The following SRGAP3 variants were observed in gnomAD, a reference collection of about 807,000 sequenced individuals.
SRGAP3 encodes the protein SLIT-ROBO Rho GTPase-activating protein 3.
Under a neutral mutation model 121.1 loss-of-function variants are expected in SRGAP3, and 39 were observed. That is an observed-to-expected ratio of 0.32 (90% CI 0.25 to 0.42). SRGAP3 has a LOEUF of 0.42. Among genes scored for constraint, SRGAP3 ranks in the 10% least tolerant of loss-of-function variants. SRGAP3 has a pLI of 1.00. For missense variants in SRGAP3, 1,213 were observed against 1,470.6 expected, an observed-to-expected ratio of 0.82 and a Z score of 2.86; for synonymous variants, 601 against 570.0, an observed-to-expected ratio of 1.05 and a Z score of -0.77.
chr3:9,192,026 G>A (rs185614554), intron 1 of SRGAP3, among the ~76,000 whole-genome samples: 14 of 152,270 alleles, frequency 9.2e-5, no homozygotes, highest in Non-Finnish European at 1.5e-4. Context: ...AACCATGAGC[G>A]AATTAAATCT....
intron 3 of SRGAP3, among the ~76,000 whole-genome samples, chr3:9,319,217 A>T (rs1349145457): frequency 1.3e-5 from 2 of 151,930 alleles, no homozygotes; most frequent in Non-Finnish European, 2.9e-5. Flanking sequence ...GCCTTGCCTA[A>T]AGTCACATAA....
rs575913933 is a variant in SRGAP3 at position 9,276,491 on chromosome 3, T to C, written n.442+49519A>G. 2.6e-5 allele frequency among the ~76,000 whole-genome samples: 4 copies of C among 151,274 alleles called. No individual in the cohort carries two copies. In the East Asian group the frequency reaches 7.8e-4, roughly 30 times the overall value. ...CCCAGGCTGAAGTGCAATGGCGCAA[T>C]CTCGGCTCACTGCAACCTCTGCCTC... is the stretch of plus-strand genomic sequence containing the variant. On this transcript the variant is annotated intron_variant and non_coding_transcript_variant, in intron 3 of 3. Coordinates refer to the SRGAP3 transcript ENST00000490889.
chr3:9,206,443 C>T (rs1404778193), intron 1 of SRGAP3, among the ~76,000 whole-genome samples: 1 of 152,160 alleles, frequency 6.6e-6, no homozygotes, highest in Non-Finnish European at 1.5e-5. Context: ...CTCAAATAGA[C>T]TCATCATCTA....
At chr3:9,261,850 C>A (rs1954261337) in intron 3 of SRGAP3, among the ~76,000 whole-genome samples, 1 of 138,218 alleles carries the variant, frequency 7.2e-6, no homozygotes, top group African/African-American at 2.7e-5. Flanking sequence ...ATACAGAGAA[C>A]ACCACAAAGA....
chr3:9,156,548 A>T (rs1054729822), intron 1 of SRGAP3, among the ~76,000 whole-genome samples: 3 of 152,212 alleles, frequency 2.0e-5, no homozygotes, highest in African/African-American at 7.2e-5. Context: ...AATCCAGAGA[A>T]GCTTTCTTTC....
intron 3 of SRGAP3, among the ~76,000 whole-genome samples, chr3:9,291,839 AAAG>A (rs1427603998): frequency 6.6e-6 from 1 of 152,312 alleles, no homozygotes; most frequent in East Asian, 1.9e-4. Context: ...TTGCCAAAAA[AAAG>A]AAGGCAACTG....
intron 1 of SRGAP3, among the ~76,000 whole-genome samples, chr3:9,141,553 GGT>G (rs3067669): frequency 0.16 from 22,537 of 138,118 alleles, 1,767 homozygotes; most frequent in South Asian, 0.25. Context: ...TGACTTCAGG[GGT>G]GTGTGTGTGT....
At chr3:9,135,403 A>C (rs1021208880) in intron 1 of SRGAP3, among the ~76,000 whole-genome samples, 1 of 152,180 alleles carries the variant, frequency 6.6e-6, no homozygotes, top group African/African-American at 2.4e-5. Flanking sequence ...CCCTCAAGAA[A>C]ACATGATGAT....
At chr3:9,204,445 T>C (rs1052955462) in intron 1 of SRGAP3, among the ~76,000 whole-genome samples, 4 of 152,224 alleles carry the variant, frequency 2.6e-5, no homozygotes, top group Non-Finnish European at 5.9e-5. Context: ...CCCCACGGCC[T>C]TGGGCTCTGA....
chr3:9,299,152 G>A (rs1368341868), intron 3 of SRGAP3, among the ~76,000 whole-genome samples: 3 of 150,946 alleles, frequency 2.0e-5, no homozygotes, highest in African/African-American at 4.9e-5. Context: ...CACGAGGTCA[G>A]GAGATCAAGA....
intron 3 of SRGAP3, among the ~76,000 whole-genome samples, chr3:9,307,737 G>A (rs1470582008): frequency 6.6e-6 from 1 of 152,190 alleles, no homozygotes; most frequent in Non-Finnish European, 1.5e-5. Flanking sequence ...GAAAACCTCA[G>A]GGGCATATTT....
At chr3:9,102,799 G>C (rs991657250) in intron 3 of SRGAP3, among the ~76,000 whole-genome samples, 1 of 152,168 alleles carries the variant, frequency 6.6e-6, no homozygotes, top group Non-Finnish European at 1.5e-5. Context: ...GCCTAAATGA[G>C]AACTGAAAAG....
At chr3:9,346,074 TGCA>T (rs768409922) in intron 1 of SRGAP3, among the ~76,000 whole-genome samples, 35 of 152,168 alleles carry the variant, frequency 2.3e-4, no homozygotes, top group Non-Finnish European at 2.9e-5. Context: ...ACAAAAAACG[TGCA>T]GTAGTGCCAA....
At chr3:9,108,510 T>C (rs1324208169) in intron 2 of SRGAP3, among the ~76,000 whole-genome samples, 1 of 152,056 alleles carries the variant, frequency 6.6e-6, no homozygotes, top group Non-Finnish European at 1.5e-5. Flanking sequence ...CCTAGTTACT[T>C]GGGAGACTGA....
At position 9,355,454 on chromosome 3, in the gene SRGAP3, T is replaced by C. The variant is rs564800670; in HGVS notation, n.214+7386A>G. ...CCATCCCATCTCTCTTCCACCTCTA[T>C]CCTGCTCACTCCTCTGCAGCCTCAC... On this transcript the variant is annotated intron_variant and non_coding_transcript_variant, in intron 1 of 3. Coordinates refer to the SRGAP3 transcript ENST00000490889. Among the ~76,000 whole-genome samples, 6 of 152,320 alleles carry C rather than the reference T, an allele frequency of 3.9e-5. No individual in the cohort carries two copies. In the South Asian group the frequency reaches 1.0e-3, roughly 26 times the overall value.
chr3:9,169,589 A>G (rs1216090571), intron 1 of SRGAP3, among the ~76,000 whole-genome samples: 1 of 152,244 alleles, frequency 6.6e-6, no homozygotes, highest in Admixed American at 6.5e-5. Flanking sequence ...GAAATGCACA[A>G]TAAGTGAGTA....
intron 3 of SRGAP3, among the ~76,000 whole-genome samples, chr3:9,303,366 A>C (rs1486546507): frequency 1.3e-5 from 2 of 151,690 alleles, no homozygotes; most frequent in African/African-American, 2.4e-5. Context: ...TGGAGGTTGC[A>C]GCAAGCTGAG....
At chr3:9,047,960 G>A (rs1057195686) in intron 9 of SRGAP3, among the ~76,000 whole-genome samples, 1 of 152,236 alleles carries the variant, frequency 6.6e-6, no homozygotes. Flanking sequence ...CACTTTGAAG[G>A]AGGAGGGGCT....
At chr3:9,213,797 C>T (rs1291850021) in intron 1 of SRGAP3, among the ~76,000 whole-genome samples, 10 of 152,204 alleles carry the variant, frequency 6.6e-5, no homozygotes, top group African/African-American at 2.4e-4. Context: ...AGTTCATTCC[C>T]GATGCACATA....
Sources: gnomAD v4.1 joint callset for allele counts (sites outside exome capture counted in the v4.1 genomes callset) on GRCh38, gnomAD v4.1.1 for gene constraint, MANE v1.5 for transcripts, NCBI Gene and HGNC (gene_info 2026-07-23, HGNC 2026-07-21) for gene names.